Variants in UPF2 observed in about 807,000 individuals in gnomAD.
UPF2 encodes the protein regulator of nonsense transcripts 2.
In UPF2, 17 loss-of-function variants were observed where a neutral mutation model predicts 141.4. The ratio of observed to expected loss-of-function variants is 0.12; its 90% CI spans 0.08 to 0.18. The LOEUF (loss-of-function observed/expected upper bound fraction) is 0.18, where lower values mean the gene tolerates loss of function less well. UPF2 is among the 10% of genes least tolerant of loss of function. The pLI is 1.00. For synonymous variants in UPF2, 540 were observed against 498.0 expected, an observed-to-expected ratio of 1.08 and a Z score of -1.12; for missense variants, 1,152 against 1,515.9, an observed-to-expected ratio of 0.76 and a Z score of 3.99.
chr10:11,933,433 G>GT (rs1418776025), intron 19 of UPF2, among the ~76,000 whole-genome samples: 1 of 152,040 alleles, frequency 6.6e-6, no homozygotes, highest in African/African-American at 2.4e-5. Context: ...AGTACTCTGA[G>GT]TTTTCATTTC....
At chr10:11,978,813 G>C (rs919362880) in intron 9 of UPF2, among the ~76,000 whole-genome samples, 1 of 152,118 alleles carries the variant, frequency 6.6e-6, no homozygotes, top group African/African-American at 2.4e-5. Context: ...AAAGCAAAAA[G>C]TGCTGTTCCC....
intron 1 of UPF2, among the ~76,000 whole-genome samples, chr10:12,040,563 A>G (rs547427823): frequency 1.6e-4 from 24 of 152,292 alleles, no homozygotes; most frequent in African/African-American, 5.5e-4. Flanking sequence ...TTACAAGCAT[A>G]CGCCCAAAGT....
At chr10:11,968,528 C>T (rs183702964) in intron 9 of UPF2, among the ~76,000 whole-genome samples, 1 of 152,256 alleles carries the variant, frequency 6.6e-6, no homozygotes, top group African/African-American at 2.4e-5. Flanking sequence ...CTGGCTAGTG[C>T]ATTGTAATTA....
At chr10:11,927,562 T>C (rs996206396) in intron 21 of UPF2, among the ~76,000 whole-genome samples, 1 of 152,240 alleles carries the variant, frequency 6.6e-6, no homozygotes, top group Non-Finnish European at 1.5e-5. Flanking sequence ...ACATTTTTCA[T>C]TGCCTGTTAA....
intron 14 of UPF2, among the ~76,000 whole-genome samples, chr10:11,954,713 T>C (rs1833122408): frequency 6.7e-6 from 1 of 149,132 alleles, no homozygotes; most frequent in Admixed American, 6.7e-5. Context: ...CGATGGTTCA[T>C]GCCTGTAATC....
At chr10:12,011,907 T>C (rs536580664) in intron 4 of UPF2, among the ~76,000 whole-genome samples, 1 of 151,764 alleles carries the variant, frequency 6.6e-6, no homozygotes, top group South Asian at 2.1e-4. Flanking sequence ...ATCGCGCCTT[T>C]GCACTCCAGC....
At chr10:11,954,814 TA>T (rs76952881) in intron 14 of UPF2, among the ~76,000 whole-genome samples, 252 of 134,392 alleles carry the variant, frequency 1.9e-3, no homozygotes, top group Middle Eastern at 3.7e-3. Flanking sequence ...CATTTCTATT[TA>T]AAAAAAAAAA....
At chr10:11,960,134 G>T (rs560964149) in intron 11 of UPF2, among the ~76,000 whole-genome samples, 2 of 152,250 alleles carry the variant, frequency 1.3e-5, no homozygotes, top group East Asian at 3.9e-4. Context: ...AGCCACTCTG[G>T]CCTCTACCCA....
rs572727355 is a variant in UPF2, at chr10:11,948,657, A to C, written c.3035-149T>G. The stretch of plus-strand genomic sequence containing the variant: ...GGTAAAAGAATTAAAAACTACGGTG[A>C]GAAACATTTAAAAAACTAAATGTGT... On this transcript the variant is annotated intron_variant, in intron 15 of 21. Coordinates refer to ENST00000357604, the MANE Select transcript of UPF2 (RefSeq NM_015542.4). The C allele has an allele frequency of 3.7e-5, 34 of 929,426 alleles. 1 individual carries two copies. The East Asian group carries it at 7.1e-4, about 19-fold the overall frequency. 57.6% of individuals were successfully genotyped at this position (929,426 alleles called of 1,614,324 possible). A position where few individuals can be genotyped will look rare whatever the true frequency, so the allele number is the denominator to read the frequency against.
rs1448751535 is a variant in UPF2, at chr10:12,004,522, G to A, written c.1504+8C>T. The A allele has an allele frequency of 1.8e-5, 29 of 1,594,734 alleles. No individual in the cohort carries two copies. Among genetic ancestry groups the A allele is most frequent in the Non-Finnish European group, 2.5e-5 (29 of 1,172,162 alleles). On this transcript the variant is annotated splice_region_variant and intron_variant, in intron 5 of 21. Transcript: ENST00000357604. Reference sequence around the variant, plus strand: ...ACTTAATGTAAATATTTTTTCTCTAGAATTTACCTTTGGTATCATCTTTGT... The same window carrying A: ...ACTTAATGTAAATATTTTTTCTCTAAAATTTACCTTTGGTATCATCTTTGT...
intron 2 of UPF2, among the ~76,000 whole-genome samples, chr10:12,032,949 A>G (rs1834553433): frequency 6.8e-6 from 1 of 146,488 alleles, no homozygotes. Context: ...TTATGATGGA[A>G]CCTGAGAATA....
chr10:11,975,683 GTTT>G (rs1376568231), intron 9 of UPF2, among the ~76,000 whole-genome samples: 2 of 137,660 alleles, frequency 1.5e-5, no homozygotes, highest in Non-Finnish European at 1.6e-5. Context: ...TAATTTTGTT[GTTT>G]TTTTTTTTTT....
At chr10:11,944,411 T>G (rs760745430) in intron 16 of UPF2, among the ~76,000 whole-genome samples, 1 of 152,112 alleles carries the variant, frequency 6.6e-6, no homozygotes, top group African/African-American at 2.4e-5. Context: ...GGAGAATCAC[T>G]GGAATCTGGG....
At chr10:12,040,283 G>A (rs1262618225) in intron 1 of UPF2, among the ~76,000 whole-genome samples, 9 of 152,054 alleles carry the variant, frequency 5.9e-5, no homozygotes, top group African/African-American at 7.2e-5. Context: ...TTAGCTGGGC[G>A]TGGCAGCACA....
At chr10:11,963,418 C>A (rs1833271321) in intron 11 of UPF2, among the ~76,000 whole-genome samples, 1 of 152,128 alleles carries the variant, frequency 6.6e-6, no homozygotes. Flanking sequence ...ACTCCTGCAG[C>A]CTTGATCTCC....
chr10:11,984,071 G>A (rs1273023787), intron 8 of UPF2, among the ~76,000 whole-genome samples: 1 of 152,000 alleles, frequency 6.6e-6, no homozygotes, highest in African/African-American at 2.4e-5. Context: ...TTACAGGTAT[G>A]CACCACCACA....
At chr10:11,984,801 C>T (rs1483894738) in intron 8 of UPF2, among the ~76,000 whole-genome samples, 2 of 152,260 alleles carry the variant, frequency 1.3e-5, no homozygotes, top group Non-Finnish European at 2.9e-5. Context: ...CAACCTCCGC[C>T]TCCCAGGTTC....
intron 4 of UPF2, among the ~76,000 whole-genome samples, chr10:12,008,448 G>C (rs1205389242): frequency 1.3e-5 from 2 of 151,702 alleles, no homozygotes; most frequent in Non-Finnish European, 2.9e-5. Context: ...GGCTAACATA[G>C]TGAAACCCTA....
chr10:11,966,417 C>G (rs922140907), intron 10 of UPF2, among the ~76,000 whole-genome samples: 2 of 145,328 alleles, frequency 1.4e-5, no homozygotes, highest in East Asian at 3.9e-4. Context: ...TACAAACCAG[C>G]CTTATTTCTT....
Sources: allele counts gnomAD v4.1 joint callset (sites outside exome capture counted in the v4.1 genomes callset), GRCh38; gene constraint gnomAD v4.1.1; transcripts MANE v1.5; gene names NCBI Gene and HGNC (gene_info 2026-07-23, HGNC 2026-07-21).